The following ZNF787 variants were observed in gnomAD, a reference collection of about 807,000 sequenced individuals.
ZNF787 encodes the protein TTF-I-interacting peptide 20.
In ZNF787, 7 loss-of-function variants were observed where a neutral mutation model predicts 16.9. The observed-to-expected ratio is 0.42, with a 90% CI of 0.24 to 0.78. ZNF787 has a LOEUF of 0.78. Among genes scored for constraint, ZNF787 ranks in the 30% least tolerant of loss-of-function variants. The probability of loss-of-function intolerance (pLI) is 0.30; values close to 1 mark genes in which losing one functional copy is unlikely to be tolerated. For missense variants in ZNF787, 551 were observed against 589.3 expected (o/e 0.94, Z 0.67); for synonymous variants, 345 against 270.9 (o/e 1.27, Z -2.69).
At chr19:56,120,714 T>A (rs1398705331) in intron 1 of ZNF787, among the ~76,000 whole-genome samples, 6 of 148,672 alleles carry the variant, frequency 4.0e-5, no homozygotes, top group African/African-American at 1.5e-4. Flanking sequence ...GCGCGGCCCC[T>A]TCCCCCACCT....
chr19:56,097,983 G>C (rs562685564), intron 2 of ZNF787, among the ~76,000 whole-genome samples: 5 of 152,252 alleles, frequency 3.3e-5, no homozygotes, highest in Admixed American at 1.3e-4. Context: ...GCTGAAGCCC[G>C]GCCTGCTAAG....
intron 2 of ZNF787, among the ~76,000 whole-genome samples, chr19:56,096,477 G>A (rs1985879162): frequency 1.3e-5 from 2 of 151,766 alleles, no homozygotes; most frequent in Admixed American, 1.3e-4. Context: ...CACTTTGGGA[G>A]GCCGAGGCGG....
intron 1 of ZNF787, among the ~76,000 whole-genome samples, chr19:56,113,259 A>T (rs2030031989): frequency 6.6e-6 from 1 of 152,192 alleles, no homozygotes; most frequent in Admixed American, 6.5e-5. Context: ...GACCAGGAGA[A>T]GTGGGGAGAC....
chr19:56,106,722 C>G (rs963175562), intron 1 of ZNF787, among the ~76,000 whole-genome samples: 4 of 152,276 alleles, frequency 2.6e-5, no homozygotes, highest in African/African-American at 9.6e-5. Flanking sequence ...GCACTCGGCT[C>G]TGAGGAAACC....
At position 56,087,578 on chromosome 19, in the gene ZNF787, A is replaced by G. The variant is rs1985307771; in HGVS notation, c.*445T>C. 1 of 141,724 alleles carries G rather than the reference A, an allele frequency of 7.1e-6. No homozygotes were observed. The allele number at this position is 141,724 out of a possible 1,614,324, so 8.8% of individuals were successfully genotyped here. A position where few individuals can be genotyped will look rare whatever the true frequency, so the allele number is the denominator to read the frequency against. ...GGAGTCAAAAGGTGGGCTGATTAAA[A>G]GAAAATTCTAAAAGAGAAAAGGGCC... is the stretch of plus-strand genomic sequence containing the variant. On this transcript the variant is annotated 3_prime_UTR_variant, in exon 3 of 3. Coordinates refer to ENST00000610935, the MANE Select transcript of ZNF787 (RefSeq NM_001002836.4).
At chr19:56,102,824 G>A (rs772814649) in intron 2 of ZNF787, 2 of 689,298 alleles carry the variant, frequency 2.9e-6, no homozygotes, top group South Asian at 1.5e-5. Flanking sequence ...GTGGGGAGAG[G>A]AAGGGGGCAC....
chr19:56,092,160 C>T (rs28662309), intron 2 of ZNF787, among the ~76,000 whole-genome samples: 1 of 152,088 alleles, frequency 6.6e-6, no homozygotes. Context: ...GAGAAGAGCA[C>T]GGTGAGGAGC....
In ZNF787 at chr19:56,088,135, A is replaced by G. The variant is rs746797950; in HGVS notation, c.1037T>C (p.Val346Ala). 25 of 1,551,890 alleles carry G rather than the reference A, an allele frequency of 1.6e-5. No homozygotes were observed. Among genetic ancestry groups the G allele is most frequent in the East Asian group, 2.6e-5 (1 of 38,410 alleles). Residue 346 changes from valine to alanine, a missense_variant, in exon 3 of 3, where the codon GTC becomes GCC. Physicochemically the swap from Val to Ala is moderately conservative, Grantham distance 64 (BLOSUM62 0). This residue lies in a region of ZNF787 where 392 missense variants were observed against 312.7 expected (regional missense o/e 1.25). Coordinates refer to ENST00000610935, the MANE Select transcript of ZNF787 (RefSeq NM_001002836.4). This position sits in a 1 kb window ranked among gnomAD's most constrained non-coding sequence, Gnocchi z 8.6. ...GTAGCTCTGTCCGCAGCTGCTGCAG[A>G]CCGAGGGCGCGCCCACCGCGTGGAT... ...KKIHAVGAPS[V>A]CSSCGQSYYR...
intron 2 of ZNF787, among the ~76,000 whole-genome samples, chr19:56,090,229 G>A (rs1041406556): frequency 3.9e-5 from 6 of 152,196 alleles, no homozygotes; most frequent in Non-Finnish European, 7.3e-5. Flanking sequence ...ACGCCCCCCT[G>A]CGCTACACAC....
At position 56,087,892 on chromosome 19, in the gene ZNF787, G is replaced by A. The variant is rs1176646935; in HGVS notation, c.*131C>T. 8 of 1,265,818 alleles carry A rather than the reference G, an allele frequency of 6.3e-6. No homozygotes were observed. The highest frequency in any genetic ancestry group is 3.2e-5 in the African/African-American group (2 of 62,964). 78.4% of individuals were successfully genotyped at this position (1,265,818 alleles called of 1,614,324 possible). ...CCACGGACGGCGCAGGGACAGAGGA[G>A]GGCGGGGAGCCGGGGATGCCGCGGG... On this transcript the variant is annotated 3_prime_UTR_variant, in exon 3 of 3. Transcript: ENST00000610935.
intron 2 of ZNF787, among the ~76,000 whole-genome samples, chr19:56,098,358 C>A (rs963278745): frequency 6.6e-6 from 1 of 152,254 alleles, no homozygotes; most frequent in Non-Finnish European, 1.5e-5. Context: ...AGAACCCATT[C>A]TCCTCTCACA....
At chr19:56,103,443 GA>G in intron 1 of ZNF787, 1 of 444,036 alleles carries the variant, frequency 2.3e-6, no homozygotes, top group Non-Finnish European at 3.9e-6. Context: ...ACAGCCGCAG[GA>G]AGGACTCAAG....
chr19:56,091,857 C>T (rs1391900634), intron 2 of ZNF787, among the ~76,000 whole-genome samples: 7 of 152,222 alleles, frequency 4.6e-5, no homozygotes, highest in Admixed American at 3.3e-4. Flanking sequence ...CAAGAGGCTG[C>T]GTCTGCACCG....
intron 1 of ZNF787, among the ~76,000 whole-genome samples, chr19:56,116,170 G>A (rs1056513913): frequency 3.3e-5 from 5 of 152,052 alleles, no homozygotes; most frequent in Non-Finnish European, 5.9e-5. Context: ...GGCTGGGCGC[G>A]GTGGCTCACA....
In ZNF787 at chr19:56,087,903, C is replaced by G. The variant is rs941458105; in HGVS notation, c.*120G>C. 8 of 1,272,780 alleles carry G rather than the reference C, an allele frequency of 6.3e-6. No homozygotes were observed. The highest frequency in any genetic ancestry group is 2.3e-5 in the South Asian group (1 of 44,118). The allele number at this position is 1,272,780 out of a possible 1,614,324, so 78.8% of individuals were successfully genotyped here. A position where few individuals can be genotyped will look rare whatever the true frequency, so the allele number is the denominator to read the frequency against. On this transcript the variant is annotated 3_prime_UTR_variant, in exon 3 of 3. Coordinates refer to ENST00000610935, the MANE Select transcript of ZNF787 (RefSeq NM_001002836.4). Reference sequence around the variant, plus strand: ...GCAGGGACAGAGGAGGGCGGGGAGCCGGGGATGCCGCGGGGTCCATCGCAC... The same window carrying G: ...GCAGGGACAGAGGAGGGCGGGGAGCGGGGGATGCCGCGGGGTCCATCGCAC...
At chr19:56,091,446 G>T (rs1324524300) in intron 2 of ZNF787, among the ~76,000 whole-genome samples, 1 of 152,206 alleles carries the variant, frequency 6.6e-6, no homozygotes, top group Non-Finnish European at 1.5e-5. Flanking sequence ...GGAGAGCGCA[G>T]TGAGTGGAGA....
chr19:56,093,790 T>G (rs1985755394), intron 2 of ZNF787, among the ~76,000 whole-genome samples: 2 of 152,236 alleles, frequency 1.3e-5, no homozygotes, highest in East Asian at 3.8e-4. Flanking sequence ...CTTCCACGCT[T>G]TCTGCCACGA....
At chr19:56,100,825 C>A (rs1379640687) in intron 2 of ZNF787, among the ~76,000 whole-genome samples, 2 of 148,146 alleles carry the variant, frequency 1.4e-5, no homozygotes, top group East Asian at 4.0e-4. Flanking sequence ...CCAACCCCCG[C>A]CACTCCACCC....
At chr19:56,095,589 CCACT>C (rs1985840323) in intron 2 of ZNF787, among the ~76,000 whole-genome samples, 1 of 152,200 alleles carries the variant, frequency 6.6e-6, no homozygotes, top group Non-Finnish European at 1.5e-5. Context: ...GCCGCTGTCC[CCACT>C]GTCATCAGGA....
Sources: allele counts gnomAD v4.1 joint callset (sites outside exome capture counted in the v4.1 genomes callset), GRCh38; gene constraint gnomAD v4.1.1; regional missense constraint gnomAD v4.1.1; non-coding constraint Gnocchi (gnomAD v3.1); transcripts MANE v1.5; gene names NCBI Gene and HGNC (gene_info 2026-07-23, HGNC 2026-07-21).